The following TAAR5 variants were observed in gnomAD, a reference collection of about 807,000 sequenced individuals.
TAAR5 encodes the protein trace amine associated receptor 5.
In TAAR5, 27 loss-of-function variants were observed where a neutral mutation model predicts 21.1. The observed-to-expected ratio is 1.28, with a 90% confidence interval of 0.94 to 1.76. TAAR5 has a LOEUF of 1.76. Among genes scored for constraint, TAAR5 ranks in the 40% most tolerant of loss-of-function variants. The pLI is 0.00. For synonymous variants in TAAR5, 203 were observed against 167.5 expected, an observed-to-expected ratio of 1.21 and a Z score of -1.64; for missense variants, 495 against 405.6, an observed-to-expected ratio of 1.22 and a Z score of -1.89.
the TAAR5 span, among the ~76,000 whole-genome samples, chr6:132,600,967 G>A: frequency 1.4e-4 from 11 of 78,026 alleles, no homozygotes; most frequent in East Asian, 4.3e-4. Context: ...GAGGGAAGGA[G>A]GGAAGGAGGG....
At chr6:132,598,842 GGGAA>G in the TAAR5 span, among the ~76,000 whole-genome samples, 2 of 152,124 alleles carry the variant, frequency 1.3e-5, no homozygotes, top group African/African-American at 4.8e-5. Flanking sequence ...ATGAAAAAGA[GGGAA>G]GGAAGGGAGG....
chr6:132,611,445 T>C, the TAAR5 span, among the ~76,000 whole-genome samples: 2 of 152,200 alleles, frequency 1.3e-5, no homozygotes, highest in African/African-American at 4.8e-5. Context: ...ATTGGAATAT[T>C]CCTAATGCAA....
chr6:132,610,231 G>A, the TAAR5 span, among the ~76,000 whole-genome samples: 2 of 152,218 alleles, frequency 1.3e-5, no homozygotes, highest in South Asian at 4.1e-4. Context: ...ACATCAATCT[G>A]AAAAGCCACT....
chr6:132,588,865 G>T lies in TAAR5; in HGVS notation c.822C>A (p.Val274=). Residue 274 remains valine (V), a synonymous_variant, in exon 1 of 1, where the codon GTC becomes GTA. Coordinates refer to ENST00000258034, the MANE Select transcript of TAAR5 (RefSeq NM_003967.3). The stretch of plus-strand genomic sequence containing the variant: ...GTGTGATAAAGTGAAGGAGGCTGTC[G>T]ACCATCGTGTCTATGGTGAAGGGCA... ...CWLPFTIDTM[V]DSLLHFITPP... 6.2e-7 allele frequency: 1 copy of T among 1,614,010 alleles called. No homozygotes were observed. Among genetic ancestry groups the T allele is most frequent in the Non-Finnish European group, 8.5e-7 (1 of 1,179,976 alleles).
At chr6:132,589,776 A>AAAAAAAG (rs398002859), upstream of TAAR5, 9 of 904,900 alleles carry the variant, frequency 9.9e-6, no homozygotes, top group African/African-American at 4.3e-5. Flanking sequence ...AAAAAAAAAA[A>AAAAAAAG]TATGTCTGCT....
the TAAR5 span, among the ~76,000 whole-genome samples, chr6:132,601,275 T>C: frequency 6.6e-6 from 1 of 152,232 alleles, no homozygotes; most frequent in South Asian, 2.1e-4. Flanking sequence ...CAAATAAATC[T>C]GAATTAAATA....
chr6:132,591,437 C>T (rs74989628), upstream of TAAR5, among the ~76,000 whole-genome samples: 991 of 152,274 alleles, frequency 6.5e-3, 11 homozygotes, highest in Non-Finnish European at 8.3e-3. Context: ...ATGCACCTCT[C>T]CTTTCTCTAC....
chr6:132,612,731 T>C, the TAAR5 span, among the ~76,000 whole-genome samples: 2 of 152,176 alleles, frequency 1.3e-5, no homozygotes, highest in South Asian at 2.1e-4. Context: ...TGTTTGCACC[T>C]TATCTACCAC....
chr6:132,613,028 C>A, the TAAR5 span, among the ~76,000 whole-genome samples: 25 of 152,122 alleles, frequency 1.6e-4, no homozygotes, highest in African/African-American at 4.6e-4. Context: ...TTTCAACATG[C>A]GATCAAATCT....
chr6:132,590,958 G>T (rs1429118105), upstream of TAAR5, among the ~76,000 whole-genome samples: 1 of 152,106 alleles, frequency 6.6e-6, no homozygotes, highest in Non-Finnish European at 1.5e-5. Flanking sequence ...GAGAATAATT[G>T]ATCATGGGTT....
At chr6:132,597,660 A>G in the TAAR5 span, among the ~76,000 whole-genome samples, 2 of 152,174 alleles carry the variant, frequency 1.3e-5, no homozygotes, top group East Asian at 3.8e-4. Context: ...TTTTTTACCA[A>G]TAACATTTCC....
At chr6:132,595,623 GC>G in the TAAR5 span, among the ~76,000 whole-genome samples, 3 of 152,246 alleles carry the variant, frequency 2.0e-5, no homozygotes, top group Admixed American at 6.5e-5. Flanking sequence ...GCTTCCTAAA[GC>G]TTTGCATGCA....
At chr6:132,610,552 T>C in the TAAR5 span, among the ~76,000 whole-genome samples, 1 of 152,156 alleles carries the variant, frequency 6.6e-6, no homozygotes, top group African/African-American at 2.4e-5. Flanking sequence ...TTCCTTTTTC[T>C]TGATTCTGTC....
upstream of TAAR5, among the ~76,000 whole-genome samples, chr6:132,594,069 TG>T (rs1308713007): frequency 6.6e-6 from 1 of 152,228 alleles, no homozygotes; most frequent in Non-Finnish European, 1.5e-5. Context: ...TTGCATCTGA[TG>T]TTTTCAAGTT....
chr6:132,611,317 T>A, the TAAR5 span, among the ~76,000 whole-genome samples: 29,775 of 151,634 alleles, frequency 0.2, 5,964 homozygotes, highest in African/African-American at 0.51. Context: ...AGGGAATGGT[T>A]AATAGGTACA....
At chr6:132,606,186 T>C in the TAAR5 span, among the ~76,000 whole-genome samples, 1 of 152,162 alleles carries the variant, frequency 6.6e-6, no homozygotes, top group Non-Finnish European at 1.5e-5. Context: ...GATTCATCCA[T>C]ACTCCAAACA....
At chr6:132,592,696 A>G (rs1776923860), upstream of TAAR5, among the ~76,000 whole-genome samples, 1 of 152,184 alleles carries the variant, frequency 6.6e-6, no homozygotes, top group Admixed American at 6.5e-5. Context: ...TGCTTCAGCC[A>G]TGTAAGATGT....
At chr6:132,598,710 G>T in the TAAR5 span, among the ~76,000 whole-genome samples, 1 of 152,136 alleles carries the variant, frequency 6.6e-6, no homozygotes, top group Admixed American at 6.5e-5. Flanking sequence ...CTGCCAGCAA[G>T]AGATTATAGT....
At chr6:132,602,779 C>CAAAAAAAAAAA in the TAAR5 span, among the ~76,000 whole-genome samples, 23 of 95,938 alleles carry the variant, frequency 2.4e-4, no homozygotes, top group African/African-American at 6.7e-4. Context: ...CTTTAGAAGT[C>CAAAAAAAAAAA]AAAAAAAAAA....
Sources: gnomAD v4.1 joint callset for allele counts (sites outside exome capture counted in the v4.1 genomes callset) on GRCh38, gnomAD v4.1.1 for gene constraint, MANE v1.5 for transcripts, NCBI Gene and HGNC (gene_info 2026-07-23, HGNC 2026-07-21) for gene names.